Variants in PELI2 observed in about 807,000 individuals in gnomAD.
PELI2 encodes the protein E3 ubiquitin-protein ligase pellino homolog 2.
Under a neutral mutation model 42.3 loss-of-function variants are expected in PELI2, and 23 were observed. The observed-to-expected ratio is 0.54, with a 90% CI of 0.39 to 0.77. The LOEUF (loss-of-function observed/expected upper bound fraction) is 0.77. Among genes scored for constraint, PELI2 ranks in the 30% least tolerant of loss-of-function variants. PELI2 has a pLI of 0.00. For missense variants in PELI2, 463 were observed against 553.2 expected, an observed-to-expected ratio of 0.84 and a Z score of 1.64; for synonymous variants, 245 against 212.2, an observed-to-expected ratio of 1.15 and a Z score of -1.34.
chr14:56,215,549 A>T (rs774907466), intron 2 of PELI2, among the ~76,000 whole-genome samples: 1 of 152,262 alleles, frequency 6.6e-6, no homozygotes, highest in South Asian at 2.1e-4. Flanking sequence ...ACTAAAAGAC[A>T]TGATTAGAAA....
chr14:56,230,378 C>T (rs1887512538), intron 2 of PELI2, among the ~76,000 whole-genome samples: 1 of 152,142 alleles, frequency 6.6e-6, no homozygotes, highest in Non-Finnish European at 1.5e-5. Flanking sequence ...CAAAGGGAAG[C>T]CCATCAGACT....
At chr14:56,143,495 G>T (rs547576456) in intron 1 of PELI2, among the ~76,000 whole-genome samples, 1 of 152,276 alleles carries the variant, frequency 6.6e-6, no homozygotes, top group Admixed American at 6.5e-5. Flanking sequence ...AGTAGATCTT[G>T]CCTGCAAGTT....
At chr14:56,276,636 A>G (rs747913936) in intron 2 of PELI2, among the ~76,000 whole-genome samples, 1 of 151,740 alleles carries the variant, frequency 6.6e-6, no homozygotes, top group Non-Finnish European at 1.5e-5. Context: ...CCCCGGAGCC[A>G]CTCCCCACCT....
intron 2 of PELI2, among the ~76,000 whole-genome samples, chr14:56,254,215 A>T (rs1187639641): frequency 6.6e-6 from 1 of 152,292 alleles, no homozygotes; most frequent in South Asian, 2.1e-4. Flanking sequence ...CCTGGCCAAC[A>T]TGGTGAAACC....
chr14:56,238,837 C>A (rs963649777), intron 2 of PELI2, among the ~76,000 whole-genome samples: 1 of 152,086 alleles, frequency 6.6e-6, no homozygotes, highest in Non-Finnish European at 1.5e-5. Context: ...TTAAAGTTAT[C>A]TTAAGGTTCA....
intron 1 of PELI2, among the ~76,000 whole-genome samples, chr14:56,161,891 G>A (rs942725317): frequency 4.6e-5 from 7 of 152,142 alleles, no homozygotes; most frequent in Admixed American, 2.0e-4. Flanking sequence ...AAAGTCTGTT[G>A]TGGCACTACC....
chr14:56,175,078 C>T (rs181489335), intron 1 of PELI2, among the ~76,000 whole-genome samples: 44 of 152,288 alleles, frequency 2.9e-4, no homozygotes, highest in African/African-American at 1.0e-3. Flanking sequence ...TCACTGTAGT[C>T]TCCACTTTCC....
intron 1 of PELI2, among the ~76,000 whole-genome samples, chr14:56,132,869 A>G (rs1045237424): frequency 6.6e-6 from 1 of 152,152 alleles, no homozygotes; most frequent in Non-Finnish European, 1.5e-5. Context: ...ATTGATTCCT[A>G]CAACTTTCAG....
At chr14:56,279,179 C>T (rs1311914358) in intron 2 of PELI2, among the ~76,000 whole-genome samples, 1 of 152,122 alleles carries the variant, frequency 6.6e-6, no homozygotes, top group African/African-American at 2.4e-5. Context: ...TTATCATTGG[C>T]TAGGACGGTG....
intron 1 of PELI2, chr14:56,119,893 G>A (rs1883000528): frequency 1.0e-6 from 1 of 971,084 alleles, no homozygotes; most frequent in African/African-American, 1.8e-5. Context: ...AGGAGTCATG[G>A]CTGTGGGAAG....
intron 2 of PELI2, among the ~76,000 whole-genome samples, chr14:56,209,476 G>A (rs903249656): frequency 4.6e-5 from 7 of 152,176 alleles, no homozygotes; most frequent in African/African-American, 1.7e-4. Context: ...TTGTAAAAAT[G>A]TAAAACAACA....
At chr14:56,256,537 A>G (rs1888532491) in intron 2 of PELI2, among the ~76,000 whole-genome samples, 1 of 152,176 alleles carries the variant, frequency 6.6e-6, no homozygotes, top group South Asian at 2.1e-4. Flanking sequence ...AAGAAAGCAT[A>G]TATCCGGAAA....
intron 1 of PELI2, among the ~76,000 whole-genome samples, chr14:56,140,808 G>A (rs1883876803): frequency 6.6e-6 from 1 of 152,188 alleles, no homozygotes; most frequent in Non-Finnish European, 1.5e-5. Flanking sequence ...GATCTAATGG[G>A]CAAGTTGGGG....
At chr14:56,190,575 A>G (rs1885920503) in intron 2 of PELI2, among the ~76,000 whole-genome samples, 1 of 152,008 alleles carries the variant, frequency 6.6e-6, no homozygotes, top group Non-Finnish European at 1.5e-5. Flanking sequence ...TCCTGACCAA[A>G]CACCACAGAT....
intron 2 of PELI2, among the ~76,000 whole-genome samples, chr14:56,205,848 G>C (rs1293441732): frequency 6.6e-6 from 1 of 152,164 alleles, no homozygotes; most frequent in Non-Finnish European, 1.5e-5. Context: ...AAGTAATTGG[G>C]AGAAGGAGGG....
chr14:56,178,904 A>G (rs942634328), intron 2 of PELI2, among the ~76,000 whole-genome samples: 3 of 152,100 alleles, frequency 2.0e-5, no homozygotes, highest in Admixed American at 2.0e-4. Flanking sequence ...CTCATGATTT[A>G]TTTTCCTTCT....
intron 2 of PELI2, among the ~76,000 whole-genome samples, chr14:56,251,532 G>C (rs1888344131): frequency 6.6e-6 from 1 of 152,148 alleles, no homozygotes; most frequent in Admixed American, 6.5e-5. Context: ...TTACCCTGTT[G>C]GTTGATTGTT....
At chr14:56,246,832 G>A (rs961048195) in intron 2 of PELI2, among the ~76,000 whole-genome samples, 7 of 152,100 alleles carry the variant, frequency 4.6e-5, no homozygotes, top group Admixed American at 3.3e-4. Context: ...CTTATATTGT[G>A]CAATTTTTCT....
chr14:56,290,326 G>T lies in PELI2; in HGVS notation c.566G>T (p.Gly189Val). 1 of 1,613,384 alleles carries T rather than the reference G, an allele frequency of 6.2e-7. No individual in the cohort carries two copies. The change falls in exon 5 of 6, where the codon GGC (glycine) becomes GTC (valine). Residue 189 changes from glycine to valine, a missense_variant. This residue lies in a region of PELI2 where 343 missense variants were observed against 378.4 expected (regional missense o/e 0.91). Transcript: ENST00000267460. The part of the protein sequence containing the change: ...DGHMDGLTTN[G>V]VLVMHPRGGF... Reference sequence around the variant, plus strand: ...CACATGGATGGGCTCACTACTAATGGCGTCCTGGTGATGCATCCACGAGGG... The same window carrying T: ...CACATGGATGGGCTCACTACTAATGTCGTCCTGGTGATGCATCCACGAGGG...
Sources: allele counts gnomAD v4.1 joint callset (sites outside exome capture counted in the v4.1 genomes callset), GRCh38; gene constraint gnomAD v4.1.1; regional missense constraint gnomAD v4.1.1; transcripts MANE v1.5; gene names NCBI Gene and HGNC (gene_info 2026-07-23, HGNC 2026-07-21).